Variants in PDE4DIP observed in about 807,000 individuals in gnomAD.
The protein encoded by PDE4DIP is phosphodiesterase 4D interacting protein.
In PDE4DIP, 59 loss-of-function variants were observed where a neutral mutation model predicts 221.4. That is an observed-to-expected ratio of 0.27 (90% CI 0.22 to 0.33). The LOEUF is 0.33. PDE4DIP is among the 10% of genes least tolerant of loss of function. The pLI is 1.00. For synonymous variants in PDE4DIP, 404 were observed against 815.9 expected, an observed-to-expected ratio of 0.50 and a Z score of 8.60; for missense variants, 1,036 against 2,154.2, an observed-to-expected ratio of 0.48 and a Z score of 10.28.
chr1:148,933,000 C>G (rs2048403276), intron 4 of PDE4DIP, among the ~76,000 whole-genome samples: 2 of 152,162 alleles, frequency 1.3e-5, no homozygotes, highest in South Asian at 4.1e-4. Flanking sequence ...GAACCTTCAC[C>G]AGACATTGAA....
At chr1:148,923,775 C>T (rs1275978356) in intron 1 of PDE4DIP, among the ~76,000 whole-genome samples, 12 of 146,036 alleles carry the variant, frequency 8.2e-5, no homozygotes, top group African/African-American at 2.4e-4. Context: ...GCCCGAGCTG[C>T]GGTTATTTGT....
rs1575412971 is a variant in PDE4DIP, at chr1:149,015,400, T to C, written c.5267-899T>C. Among the ~76,000 whole-genome samples the C allele has an allele frequency of 2.0e-5, 3 of 152,202 alleles. No homozygotes were observed. In the South Asian group the frequency reaches 6.2e-4, roughly 32 times the overall value. ...ATGGAAGAAACAATGACCTCACTCC[T>C]GTTGCTTAGGAGGAGCTACCTGTCT... On this transcript the variant is annotated intron_variant, in intron 32 of 43. Transcript: ENST00000369354.
At chr1:148,983,210 C>G (rs1207857583) in intron 21 of PDE4DIP, 1 of 152,068 alleles carries the variant, frequency 6.6e-6, no homozygotes, top group Non-Finnish European at 1.5e-5. Flanking sequence ...GTCAACCCAT[C>G]AAAGACTAGT....
At chr1:148,877,104 A>G (rs1691747336) in intron 3 of PDE4DIP, among the ~76,000 whole-genome samples, 1 of 147,564 alleles carries the variant, frequency 6.8e-6, no homozygotes, top group East Asian at 1.9e-4. Flanking sequence ...ACTCAAGGTG[A>G]GGATTATTTC....
At chr1:149,010,567 C>G (rs587597647) in exon 31 of PDE4DIP, 2 of 1,613,984 alleles carry the variant, frequency 1.2e-6, no homozygotes, top group African/African-American at 2.7e-5. Context: ...CCCAGAATAC[C>G]CCCAAGGAGG....
chr1:148,881,658 C>G (rs1256038246), intron 3 of PDE4DIP, among the ~76,000 whole-genome samples: 1 of 147,526 alleles, frequency 6.8e-6, no homozygotes, highest in Non-Finnish European at 1.5e-5. Flanking sequence ...GTGAAGGACA[C>G]TTTTTGAAAA....
At chr1:148,938,884 T>A (rs1553477441) in intron 5 of PDE4DIP, among the ~76,000 whole-genome samples, 1 of 147,608 alleles carries the variant, frequency 6.8e-6, no homozygotes, top group African/African-American at 2.5e-5. Context: ...TGCCTCAGCC[T>A]CCCGAGTAGC....
exon 3 of PDE4DIP, chr1:148,931,806 T>C (rs2048073943): frequency 6.3e-7 from 1 of 1,579,164 alleles, no homozygotes; most frequent in African/African-American, 1.3e-5. Flanking sequence ...TTAGGGCTGA[T>C]GTGGAGAATC....
chr1:148,906,245 GA>G (rs1446395525), intron 1 of PDE4DIP, among the ~76,000 whole-genome samples: 1 of 127,240 alleles, frequency 7.9e-6, no homozygotes, highest in Non-Finnish European at 1.6e-5. Context: ...GATCATTCAG[GA>G]GCAGGTTAAT....
chr1:148,980,189 G>C (rs587758338), intron 20 of PDE4DIP, among the ~76,000 whole-genome samples: 94 of 152,280 alleles, frequency 6.2e-4, no homozygotes, highest in African/African-American at 2.0e-3. Flanking sequence ...CCTGTTAAAG[G>C]CTGTTCTATT....
chr1:148,821,249 CT>C (rs1669158376), intron 1 of PDE4DIP, among the ~76,000 whole-genome samples: 1 of 147,800 alleles, frequency 6.8e-6, no homozygotes, highest in South Asian at 2.2e-4. Context: ...ATTCCTGCCC[CT>C]TCTGAGCCTG....
At chr1:148,994,681 GA>G (rs2063795228) in intron 22 of PDE4DIP, among the ~76,000 whole-genome samples, 1 of 151,550 alleles carries the variant, frequency 6.6e-6, no homozygotes, top group Non-Finnish European at 1.5e-5. Flanking sequence ...GTGAAACATT[GA>G]AAATTTACTC....
intron 22 of PDE4DIP, among the ~76,000 whole-genome samples, chr1:148,995,186 G>GTTT (rs2063922282): frequency 6.9e-6 from 1 of 145,914 alleles, no homozygotes; most frequent in Non-Finnish European, 1.5e-5. Flanking sequence ...GGATCATAGG[G>GTTT]TAGATTCTAT....
Position 148,905,187 on chromosome 1 carries a change from T to G in PDE4DIP, c.141+15293T>G, listed in dbSNP as rs1573056102. ...TATCCATCTCTTCTAGGTTTTTTTT[T>G]TTTTTTTTTTTTTTGAGATGGAGTC... On this transcript the variant is annotated intron_variant, in intron 1 of 43. Coordinates refer to ENST00000369354, the Ensembl canonical transcript of PDE4DIP. 2.1e-5 allele frequency among the ~76,000 whole-genome samples: 3 copies of G among 146,006 alleles called. No homozygotes were observed. The East Asian group carries it at 5.9e-4, about 29-fold the overall frequency.
At chr1:148,988,002 C>CT in intron 21 of PDE4DIP, among the ~76,000 whole-genome samples, 1 of 152,172 alleles carries the variant, frequency 6.6e-6, no homozygotes, top group South Asian at 2.1e-4. Flanking sequence ...ATGATTAGTC[C>CT]TTTTTGTAAG....
intron 1 of PDE4DIP, among the ~76,000 whole-genome samples, chr1:148,917,039 A>G (rs1332024813): frequency 1.4e-5 from 2 of 146,328 alleles, no homozygotes; most frequent in Admixed American, 6.8e-5. Context: ...AAGCCCAGCC[A>G]GGCCTATCTG....
rs587622284 is a variant in PDE4DIP, at chr1:148,922,702, C to G, written c.142-6495C>G. 4.2e-3 allele frequency among the ~76,000 whole-genome samples: 622 copies of G among 149,534 alleles called. 9 individuals are homozygous for G. The highest frequency in any genetic ancestry group is 0.015 in the African/African-American group (598 of 40,654). ...TCCTGGGTTCACACCGTTCTCCTGC[C>G]TCAGCCTCCGGAGTAGCTGGGACTA... On this transcript the variant is annotated intron_variant, in intron 1 of 43. Transcript: ENST00000369354.
chr1:148,946,931 A>G (rs1353040478), intron 5 of PDE4DIP, among the ~76,000 whole-genome samples: 1 of 151,600 alleles, frequency 6.6e-6, no homozygotes, highest in East Asian at 1.9e-4. Flanking sequence ...CACCCATCTC[A>G]AGTGCCACTC....
At chr1:148,954,530 T>C (rs1553499802) in intron 5 of PDE4DIP, among the ~76,000 whole-genome samples, 1 of 150,136 alleles carries the variant, frequency 6.7e-6, no homozygotes, top group African/African-American at 2.5e-5. Context: ...GGAATTCAAG[T>C]ATTCAAGTAC....
Sources: allele counts gnomAD v4.1 joint callset (sites outside exome capture counted in the v4.1 genomes callset), GRCh38; gene constraint gnomAD v4.1.1; transcripts MANE v1.5; gene names NCBI Gene and HGNC (gene_info 2026-07-23, HGNC 2026-07-21).